The following MRPS27 variants were observed in gnomAD, a reference collection of about 807,000 sequenced individuals.
MRPS27 encodes the protein small ribosomal subunit protein mS27.
MRPS27 carries 43 observed loss-of-function variants against 48.9 expected under a neutral mutation model. The ratio of observed to expected loss-of-function variants is 0.88; its 90% CI spans 0.69 to 1.13. The LOEUF is 1.13. Among genes scored for constraint, MRPS27 ranks in the 50% most tolerant of loss-of-function variants. The pLI, the probability that MRPS27 is intolerant of heterozygous loss-of-function variation, is 0.00. For synonymous variants in MRPS27, 188 were observed against 171.9 expected (o/e 1.09, Z -0.73); for missense variants, 467 against 476.3 (o/e 0.98, Z 0.18).
At chr5:72,306,302 C>G (rs1200322272) in intron 2 of MRPS27, among the ~76,000 whole-genome samples, 1 of 152,174 alleles carries the variant, frequency 6.6e-6, no homozygotes, top group African/African-American at 2.4e-5. Context: ...AAGTAAAGAT[C>G]ATGAATGGCC....
intron 4 of MRPS27, among the ~76,000 whole-genome samples, chr5:72,261,496 A>G (rs1223240453): frequency 2.0e-5 from 3 of 151,006 alleles, no homozygotes; most frequent in South Asian, 4.2e-4. Flanking sequence ...AAAAAACCCC[A>G]GTTGCTATAG....
At chr5:72,237,883 A>G (rs1273812485) in intron 5 of MRPS27, 131 bp downstream of exon 5, 2 of 618,972 alleles carry the variant, frequency 3.2e-6, no homozygotes, top group South Asian at 4.7e-5. Context: ...CATTCTGTTA[A>G]TAAGAATATT....
At chr5:72,313,955 A>T in intron 2 of MRPS27, 126 bp downstream of exon 2, 1 of 688,286 alleles carries the variant, frequency 1.5e-6, no homozygotes, top group Non-Finnish European at 2.4e-6. Context: ...TTTAAGACTT[A>T]AAACATGCTT....
intron 4 of MRPS27, among the ~76,000 whole-genome samples, chr5:72,273,172 T>C (rs569351816): frequency 2.6e-5 from 4 of 152,286 alleles, no homozygotes; most frequent in Admixed American, 2.6e-4. Flanking sequence ...CTCAGTGGAT[T>C]GATCTAGGGG....
intron 2 of MRPS27, among the ~76,000 whole-genome samples, chr5:72,302,903 A>G (rs560400078): frequency 6.6e-6 from 1 of 152,254 alleles, no homozygotes; most frequent in Non-Finnish European, 1.5e-5. Context: ...CCTAAAAAGT[A>G]AACAACCGGG....
At chr5:72,251,356 A>G (rs922664357) in intron 4 of MRPS27, among the ~76,000 whole-genome samples, 1 of 152,230 alleles carries the variant, frequency 6.6e-6, no homozygotes, top group Admixed American at 6.5e-5. Flanking sequence ...CCCAAAGCCA[A>G]CCAGCAAAGT....
At chr5:72,272,972 T>C (rs1034274073) in intron 4 of MRPS27, among the ~76,000 whole-genome samples, 2 of 152,204 alleles carry the variant, frequency 1.3e-5, no homozygotes, top group Non-Finnish European at 2.9e-5. Flanking sequence ...AAATTTTCTA[T>C]AATAAAAATA....
chr5:72,306,672 T>G (rs1750276778), intron 2 of MRPS27, among the ~76,000 whole-genome samples: 1 of 152,192 alleles, frequency 6.6e-6, no homozygotes, highest in Non-Finnish European at 1.5e-5. Context: ...TTATAAGACA[T>G]TTGGGAAAAT....
chr5:72,270,147 T>C (rs1273088400), intron 4 of MRPS27, among the ~76,000 whole-genome samples: 1 of 150,022 alleles, frequency 6.7e-6, no homozygotes, highest in African/African-American at 2.4e-5. Context: ...GAGCTGAGAT[T>C]GCATCATTAT....
chr5:72,278,316 G>T (rs190846425), intron 4 of MRPS27, among the ~76,000 whole-genome samples: 1 of 151,982 alleles, frequency 6.6e-6, no homozygotes, highest in East Asian at 1.9e-4. Context: ...GGTGGCGAGC[G>T]CCTCTAGTCC....
chr5:72,255,029 C>CTTTT (rs70999273), intron 4 of MRPS27, among the ~76,000 whole-genome samples: 146 of 72,112 alleles, frequency 2.0e-3, no homozygotes, highest in Non-Finnish European at 2.8e-3. Flanking sequence ...CATTTCTTTT[C>CTTTT]TTTTTTTTTT....
intron 4 of MRPS27, among the ~76,000 whole-genome samples, chr5:72,268,216 A>G (rs1236054281): frequency 1.3e-5 from 2 of 152,250 alleles, no homozygotes; most frequent in Non-Finnish European, 2.9e-5. Flanking sequence ...TTATAAATAC[A>G]ACAAACTTAA....
Position 72,220,918 on chromosome 5 carries a change from T to C in MRPS27, c.1236A>G (p.Ala412=), listed in dbSNP as rs771323258. Residue 412 remains alanine, a synonymous_variant, in exon 11 of 11, where the codon GCA becomes GCG. Transcript: ENST00000261413. ...QEYQAQKAAK[A]SA is the part of the protein sequence containing the mutation. Reference sequence around the variant, plus strand: ...GCCCTGGGGGACCCTATTAGGCAGATGCCTTTGCTGCTTTCTGAGCCTGGT... The same window carrying C: ...GCCCTGGGGGACCCTATTAGGCAGACGCCTTTGCTGCTTTCTGAGCCTGGT... 1.9e-6 allele frequency: 3 copies of C among 1,614,178 alleles called. No homozygotes were observed. Among genetic ancestry groups the C allele is most frequent in the South Asian group, 2.2e-5 (2 of 91,084 alleles).
intron 4 of MRPS27, among the ~76,000 whole-genome samples, chr5:72,257,938 G>T (rs1057198167): frequency 3.3e-5 from 5 of 151,968 alleles, no homozygotes; most frequent in Non-Finnish European, 7.4e-5. Context: ...CAAAAAATTG[G>T]CCGGGTGTGG....
intron 4 of MRPS27, among the ~76,000 whole-genome samples, chr5:72,280,896 G>A (rs1749516553): frequency 6.6e-6 from 1 of 152,182 alleles, no homozygotes; most frequent in Admixed American, 6.5e-5. Context: ...CTGGTTTGTG[G>A]CTGTAAGCTT....
intron 2 of MRPS27, among the ~76,000 whole-genome samples, chr5:72,299,238 C>T (rs1159009588): frequency 6.7e-6 from 1 of 150,154 alleles, no homozygotes; most frequent in East Asian, 2.0e-4. Context: ...AACAAACCTG[C>T]ACATGTACTC....
rs1052357273 is a variant in MRPS27 at position 72,297,057 on chromosome 5, A to C, written c.222+575T>G. ...GCTTACAAGCTGTGTGAACTTGGGA[A>C]AGTTATTAAACCATGTCTTACATAG... On this transcript the variant is annotated intron_variant, in intron 3 of 10. Transcript: ENST00000261413. Among the ~76,000 whole-genome samples, 16 of 152,312 alleles carry C rather than the reference A, an allele frequency of 1.1e-4. No individual in the cohort carries two copies. In the East Asian group the frequency reaches 2.7e-3, roughly 26 times the overall value.
chr5:72,277,096 A>T (rs1385383900), intron 4 of MRPS27, among the ~76,000 whole-genome samples: 1 of 152,164 alleles, frequency 6.6e-6, no homozygotes, highest in Non-Finnish European at 1.5e-5. Flanking sequence ...TTATGCAGCC[A>T]ACAAACATAT....
rs2112103329 is a variant in MRPS27, at chr5:72,320,131, T to C, written c.73+18A>G. ...AAAAACAGAATAATCAGGGGCCTAA[T>C]GAAGCTGTCCGGCCAACCTGCAGGA... On this transcript the variant is annotated intron_variant, in intron 1 of 10. Coordinates refer to ENST00000261413, the MANE Select transcript of MRPS27 (RefSeq NM_015084.3). The C allele has an allele frequency of 2.5e-6, 4 of 1,611,644 alleles. No homozygotes were observed. The highest frequency in any genetic ancestry group is 3.4e-6 in the Non-Finnish European group (4 of 1,177,764).
Sources: gnomAD v4.1 joint callset for allele counts (sites outside exome capture counted in the v4.1 genomes callset) on GRCh38, gnomAD v4.1.1 for gene constraint, MANE v1.5 for transcripts, NCBI Gene and HGNC (gene_info 2026-07-23, HGNC 2026-07-21) for gene names.